The following TMC1 variants were observed in gnomAD, a reference collection of about 807,000 sequenced individuals.
TMC1 encodes the protein transmembrane channel-like protein 1.
A neutral mutation model predicts 105.8 loss-of-function variants in TMC1; 84 were observed. That is an observed-to-expected ratio of 0.79 (90% CI 0.67 to 0.95). The LOEUF (loss-of-function observed/expected upper bound fraction) is 0.95, where lower values mean the gene tolerates loss of function less well. Ranked by LOEUF, TMC1 falls within the 40% of genes least tolerant of loss-of-function variation. The pLI, the probability that TMC1 is intolerant of heterozygous loss-of-function variation, is 0.00. For missense variants in TMC1, 817 were observed against 914.1 expected (o/e 0.89, Z 1.37); for synonymous variants, 315 against 311.5 (o/e 1.01, Z -0.12).
intron 1 of TMC1, among the ~76,000 whole-genome samples, chr9:72,542,669 G>T (rs1255262798): frequency 6.6e-6 from 1 of 151,864 alleles, no homozygotes; most frequent in Non-Finnish European, 1.5e-5. Flanking sequence ...TACTGTTCAG[G>T]CCTCAGCTTT....
intron 4 of TMC1, among the ~76,000 whole-genome samples, chr9:72,646,468 A>G (rs534580143): frequency 5.3e-5 from 8 of 152,268 alleles, no homozygotes; most frequent in African/African-American, 1.2e-4. Flanking sequence ...ATACATGACA[A>G]TTCATACCCG....
chr9:72,702,655 A>G (rs755988058), intron 8 of TMC1, among the ~76,000 whole-genome samples: 2 of 152,112 alleles, frequency 1.3e-5, no homozygotes, highest in Non-Finnish European at 2.9e-5. Context: ...AGTCACAATC[A>G]GACCCCAGAA....
intron 3 of TMC1, among the ~76,000 whole-genome samples, chr9:72,617,624 T>G (rs1225289413): frequency 1.3e-5 from 2 of 152,082 alleles, no homozygotes; most frequent in East Asian, 3.8e-4. Flanking sequence ...CAGGCATTTA[T>G]ATAAATTAAA....
chr9:72,756,370 C>G (rs1827676983), intron 12 of TMC1, among the ~76,000 whole-genome samples: 1 of 152,106 alleles, frequency 6.6e-6, no homozygotes, highest in South Asian at 2.1e-4. Flanking sequence ...GTTCTTATTT[C>G]TTCTTAGGCG....
intron 5 of TMC1, among the ~76,000 whole-genome samples, chr9:72,686,346 C>G (rs1328849630): frequency 1.3e-5 from 2 of 152,148 alleles, no homozygotes; most frequent in East Asian, 3.9e-4. Context: ...TGGCAACATG[C>G]CATCTCAGAC....
intron 17 of TMC1, among the ~76,000 whole-genome samples, chr9:72,795,030 A>C (rs1450720018): frequency 2.0e-5 from 3 of 152,228 alleles, no homozygotes; most frequent in Non-Finnish European, 4.4e-5. Flanking sequence ...AAAGAATCTT[A>C]GAACTTGAAG....
chr9:72,529,106 T>A (rs1823453729), intron 1 of TMC1, among the ~76,000 whole-genome samples: 1 of 152,080 alleles, frequency 6.6e-6, no homozygotes, highest in African/African-American at 2.4e-5. Flanking sequence ...CCATTTTTTT[T>A]TTTTTAATCA....
intron 4 of TMC1, among the ~76,000 whole-genome samples, chr9:72,642,448 T>C (rs1246229844): frequency 6.6e-6 from 1 of 152,192 alleles, no homozygotes; most frequent in Non-Finnish European, 1.5e-5. Context: ...TAAATATCTC[T>C]AGGGATTGGA....
chr9:72,574,901 G>A (rs1393074429), intron 1 of TMC1, among the ~76,000 whole-genome samples: 2 of 152,092 alleles, frequency 1.3e-5, no homozygotes, highest in Admixed American at 6.5e-5. Context: ...CCACCATAAA[G>A]CTTAGGCTCC....
intron 10 of TMC1, among the ~76,000 whole-genome samples, chr9:72,747,911 C>T (rs1827518570): frequency 6.6e-6 from 1 of 151,984 alleles, no homozygotes; most frequent in Admixed American, 6.6e-5. Flanking sequence ...TGTTTTTATA[C>T]ATTAATAATT....
rs932043452 is a variant in TMC1 at position 72,830,743 on chromosome 9, T to C, written c.2260+61T>C. 120 of 1,453,720 alleles carry C rather than the reference T, an allele frequency of 8.3e-5. 1 individual carries two copies. Among genetic ancestry groups the C allele is most frequent in the Non-Finnish European group, 2.6e-5 (28 of 1,067,062 alleles). The allele number at this position is 1,453,720 out of a possible 1,614,324, so 90.1% of individuals were successfully genotyped here. The stretch of plus-strand genomic sequence containing the variant: ...TTTTCTTTTTCTTTTTCTTTCTTTT[T>C]TTTTTTTTTTTGCTTTTTCTCCATT... On this transcript the variant is annotated intron_variant, in intron 23 of 23. Coordinates refer to ENST00000297784, the MANE Select transcript of TMC1 (RefSeq NM_138691.3).
At chr9:72,670,979 C>A (rs1276049661) in intron 5 of TMC1, among the ~76,000 whole-genome samples, 1 of 152,130 alleles carries the variant, frequency 6.6e-6, no homozygotes, top group Non-Finnish European at 1.5e-5. Context: ...CTTTTTCTAC[C>A]CATCCTGGGT....
chr9:72,690,149 C>G (rs1443250063), intron 6 of TMC1, among the ~76,000 whole-genome samples: 1 of 151,768 alleles, frequency 6.6e-6, no homozygotes, highest in African/African-American at 2.4e-5. Flanking sequence ...TACCATGGGA[C>G]TCATGTTCAA....
chr9:72,715,488 CT>C (rs1826901479), intron 8 of TMC1, among the ~76,000 whole-genome samples: 1 of 151,980 alleles, frequency 6.6e-6, no homozygotes, highest in South Asian at 2.1e-4. Flanking sequence ...CTAATCTTGT[CT>C]TCTTGCTTTA....
At chr9:72,580,779 T>C (rs1304005035) in intron 2 of TMC1, among the ~76,000 whole-genome samples, 1 of 152,204 alleles carries the variant, frequency 6.6e-6, no homozygotes, top group Non-Finnish European at 1.5e-5. Context: ...CCTTGGAAAA[T>C]TCCATTTAAC....
chr9:72,783,842 G>C (rs961936617), intron 13 of TMC1, among the ~76,000 whole-genome samples: 10 of 152,138 alleles, frequency 6.6e-5, no homozygotes, highest in Admixed American at 5.9e-4. Context: ...GCCCTATCCA[G>C]AAGATCAAAG....
intron 6 of TMC1, among the ~76,000 whole-genome samples, chr9:72,691,097 G>C (rs905531808): frequency 6.6e-6 from 1 of 151,994 alleles, no homozygotes; most frequent in African/African-American, 2.4e-5. Flanking sequence ...CGAGTCTGCT[G>C]TTAGACCTCT....
intron 12 of TMC1, among the ~76,000 whole-genome samples, chr9:72,767,317 G>A (rs1198495070): frequency 6.6e-6 from 1 of 152,150 alleles, no homozygotes; most frequent in Non-Finnish European, 1.5e-5. Flanking sequence ...GAGTTACTAA[G>A]AATGAAGAAA....
chr9:72,685,648 G>A (rs1826368901), intron 5 of TMC1, among the ~76,000 whole-genome samples: 1 of 152,134 alleles, frequency 6.6e-6, no homozygotes, highest in South Asian at 2.1e-4. Flanking sequence ...ACAGGCGTGA[G>A]CCACTGCGCC....
Sources: gnomAD v4.1 joint callset for allele counts (sites outside exome capture counted in the v4.1 genomes callset) on GRCh38, gnomAD v4.1.1 for gene constraint, MANE v1.5 for transcripts, NCBI Gene and HGNC (gene_info 2026-07-23, HGNC 2026-07-21) for gene names.